PKD1L1: variants seen among roughly 807,000 people sequenced by gnomAD.
The protein encoded by PKD1L1 is polycystin 1 like 1, transient receptor potential channel interacting.
Under a neutral mutation model 323.4 loss-of-function variants are expected in PKD1L1, and 236 were observed. That is an observed-to-expected ratio of 0.73 (90% CI 0.66 to 0.81). The LOEUF is 0.81. PKD1L1 is among the 40% of genes least tolerant of loss of function. The probability of loss-of-function intolerance (pLI) is 0.00; values close to 1 mark genes in which losing one functional copy is unlikely to be tolerated. For synonymous variants in PKD1L1, 1,344 were observed against 1,335.0 expected, an observed-to-expected ratio of 1.01 and a Z score of -0.15; for missense variants, 3,320 against 3,508.0, an observed-to-expected ratio of 0.95 and a Z score of 1.35.
intron 8 of PKD1L1, 96 bp downstream of exon 8, chr7:47,915,336 T>G (rs1562988220): frequency 1.3e-5 from 9 of 710,164 alleles, no homozygotes; most frequent in Non-Finnish European, 2.3e-5. Flanking sequence ...AGCCAATCAC[T>G]AATCAATGTC....
At chr7:47,885,428 C>A (rs1786659957) in intron 18 of PKD1L1, among the ~76,000 whole-genome samples, 1 of 152,188 alleles carries the variant, frequency 6.6e-6, no homozygotes, top group Admixed American at 6.5e-5. Flanking sequence ...ACTACTGTAG[C>A]ACAGACACTG....
intron 45 of PKD1L1, among the ~76,000 whole-genome samples, chr7:47,821,605 G>T (rs981362166): frequency 6.6e-6 from 1 of 151,586 alleles, no homozygotes; most frequent in Non-Finnish European, 1.5e-5. Flanking sequence ...TTAAATCCCT[G>T]GGAGAAAATT....
At chr7:47,931,723 T>A (rs1787774434) in intron 5 of PKD1L1, among the ~76,000 whole-genome samples, 2 of 152,238 alleles carry the variant, frequency 1.3e-5, no homozygotes, top group African/African-American at 4.8e-5. Flanking sequence ...AAAATGCTCT[T>A]ACAGAAAGCA....
At chr7:47,910,335 CTTT>C (rs764658101) in intron 8 of PKD1L1, among the ~76,000 whole-genome samples, 8 of 137,500 alleles carry the variant, frequency 5.8e-5, no homozygotes, top group Middle Eastern at 3.7e-3. Context: ...ATCTTACTTT[CTTT>C]TTTTTTTTTT....
At chr7:47,874,075 A>C in intron 23 of PKD1L1, 65 bp from the exon 24 acceptor site, 5 of 991,676 alleles carry the variant, frequency 5.0e-6, no homozygotes, top group Non-Finnish European at 7.7e-6. Context: ...GCTTCTTCAC[A>C]CACAGACAGC....
rs773513186 is a variant in PKD1L1 at position 47,854,835 on chromosome 7, C to T, written c.4859+47G>A. On this transcript the variant is annotated intron_variant, in intron 30 of 56. Transcript: ENST00000289672. ...TTTTGTCACAAAACATTCTTAAGGACAATATGTCTTACTCCAATCTCATTG... is the reference window on the plus strand; with the variant it reads ...TTTTGTCACAAAACATTCTTAAGGATAATATGTCTTACTCCAATCTCATTG... The T allele has an allele frequency of 1.0e-5, 16 of 1,586,586 alleles. 1 individual carries two copies. The Admixed American group carries it at 2.5e-4, about 25-fold the overall frequency.
intron 41 of PKD1L1, among the ~76,000 whole-genome samples, chr7:47,832,357 C>T (rs1298031684): frequency 6.6e-6 from 1 of 152,208 alleles, no homozygotes; most frequent in Non-Finnish European, 1.5e-5. Context: ...TGATCTACTG[C>T]TGATACTTGT....
chr7:47,825,727 C>G (rs4720618), intron 45 of PKD1L1, among the ~76,000 whole-genome samples: 1 of 152,078 alleles, frequency 6.6e-6, no homozygotes, highest in African/African-American at 2.4e-5. Context: ...GTTTTCCTCA[C>G]TGAAATCTTA....
intron 37 of PKD1L1, among the ~76,000 whole-genome samples, chr7:47,835,479 C>A (rs1012489443): frequency 6.6e-6 from 1 of 152,090 alleles, no homozygotes; most frequent in Admixed American, 6.5e-5. Flanking sequence ...TGGCTCACTG[C>A]GACCTCCGCC....
intron 50 of PKD1L1, among the ~76,000 whole-genome samples, chr7:47,810,011 A>T (rs1784860724): frequency 6.6e-6 from 1 of 152,232 alleles, no homozygotes; most frequent in Non-Finnish European, 1.5e-5. Flanking sequence ...AAAGTCTTCT[A>T]AAGCTCCCTT....
chr7:47,827,442 G>A lies in PKD1L1; in HGVS notation c.6762C>T (p.Arg2254=). 3 of 1,611,504 alleles carry A rather than the reference G, an allele frequency of 1.9e-6. 1 individual carries two copies. The East Asian group carries it at 6.7e-5, about 36-fold the overall frequency. ...ATGGTGGATGCGCCCAGCGCAGGTG[G>A]CGAGCTTGTTGTCGGGCAGCCAAGA... is the stretch of plus-strand genomic sequence containing the variant. The part of the protein sequence containing the change: ...EKVLAARQQA[R]HLRWAHPPSK... Residue 2254 remains arginine (R), a synonymous_variant, in exon 45 of 57, where the codon CGC becomes CGT. Coordinates refer to ENST00000289672, the MANE Select transcript of PKD1L1 (RefSeq NM_138295.5).
rs375115636 is a variant in PKD1L1, at chr7:47,840,490, T to C, written c.5523A>G (p.Glu1841=). The change falls in exon 35 of 57, where the codon GAA becomes GAG. Residue 1841 remains glutamate, a synonymous_variant. Coordinates refer to ENST00000289672, the MANE Select transcript of PKD1L1 (RefSeq NM_138295.5). This position sits in a 1 kb window ranked among gnomAD's most constrained non-coding sequence, Gnocchi z 4.1. ...ELSCPEKPLF[E]RNSRHTFILS... The stretch of plus-strand genomic sequence containing the variant: ...GGATAAAGGTGTGTCTGGAATTCCT[T>C]TCAAACAGGGGCTTCTCTGGACAGG... 15 of 1,614,028 alleles carry C rather than the reference T, an allele frequency of 9.3e-6. No homozygotes were observed. The Middle Eastern group carries it at 6.6e-4, about 71-fold the overall frequency.
At chr7:47,819,678 T>C in intron 46 of PKD1L1, 3 of 887,540 alleles carry the variant, frequency 3.4e-6, no homozygotes, top group South Asian at 1.5e-5. Flanking sequence ...ATTACTGAGC[T>C]ACAGAACACC....
intron 23 of PKD1L1, among the ~76,000 whole-genome samples, chr7:47,874,592 G>A (rs1391887740): frequency 6.6e-6 from 1 of 152,160 alleles, no homozygotes; most frequent in East Asian, 1.9e-4. Context: ...TCGTCTACAA[G>A]CAAATTCCGT....
rs1385824545 is a variant in PKD1L1, at chr7:47,803,212, C to T, written c.7960G>A (p.Gly2654Arg). 1.2e-6 allele frequency: 2 copies of T among 1,614,028 alleles called. No homozygotes were observed. The highest frequency in any genetic ancestry group is 2.7e-5 in the African/African-American group (2 of 74,920). The change falls in exon 53 of 57, where the codon GGG becomes AGG. Residue 2654 changes from glycine to arginine, a missense_variant and splice_region_variant. Coordinates refer to ENST00000289672, the MANE Select transcript of PKD1L1 (RefSeq NM_138295.5). Reference protein sequence around the residue: ...RHSLPSIFVAGLVGALMLAAL... With the variant: ...RHSLPSIFVARLVGALMLAAL... ...CTGATAAAGGGGAGAGTTCTTACCC[C>T]TGCTACAAAGATGCTGGGGAGTGAG...
At chr7:47,857,298 GC>G (rs1336404278) in intron 28 of PKD1L1, among the ~76,000 whole-genome samples, 2 of 152,210 alleles carry the variant, frequency 1.3e-5, no homozygotes, top group Non-Finnish European at 2.9e-5. Flanking sequence ...ATCACATGCT[GC>G]AACCCCCTAG....
At position 47,793,699 on chromosome 7, in the gene PKD1L1, G is replaced by A. The variant is rs58942546; in HGVS notation, c.8356-902C>T. 3.8e-3 allele frequency among the ~76,000 whole-genome samples: 586 copies of A among 152,334 alleles called. 2 individuals carry two copies. The highest frequency in any genetic ancestry group is 0.013 in the African/African-American group (560 of 41,580). On this transcript the variant is annotated intron_variant, in intron 55 of 56. Transcript: ENST00000289672. ...ACCCAAAAATGTGAAAGTGACTTTG[G>A]AACTTGATAACAGGCAGAGGTTGGA...
chr7:47,905,152 C>G lies in PKD1L1; in HGVS notation c.1691+5G>C, dbSNP rs1222472873. 2 of 1,612,542 alleles carry G rather than the reference C, an allele frequency of 1.2e-6. No homozygotes were observed. The highest frequency in any genetic ancestry group is 1.7e-6 in the Non-Finnish European group (2 of 1,179,308). ...CTACTCAGCAGGACTGCTACTTTTA[C>G]TGACCATTGGGGGATGCTGAGTCTT... On this transcript the variant is annotated splice_donor_5th_base_variant and intron_variant, in intron 11 of 56. Transcript: ENST00000289672.
rs543286624 is a variant in PKD1L1 at position 47,889,788 on chromosome 7, G to A, written c.2675+754C>T. Among the ~76,000 whole-genome samples, 51 of 152,320 alleles carry A rather than the reference G, an allele frequency of 3.3e-4. 1 individual carries two copies. The highest frequency in any genetic ancestry group is 1.7e-3 in the Admixed American group (26 of 15,304). On this transcript the variant is annotated intron_variant, in intron 16 of 56. Transcript: ENST00000289672. ...CAGGTGACATATAGGGCTATGGGCA[G>A]AGGGTCAGTCCCAGCACTGCTTCCT...
Sources: allele counts gnomAD v4.1 joint callset (sites outside exome capture counted in the v4.1 genomes callset), GRCh38; gene constraint gnomAD v4.1.1; non-coding constraint Gnocchi (gnomAD v3.1); transcripts MANE v1.5; gene names NCBI Gene and HGNC (gene_info 2026-07-23, HGNC 2026-07-21).